FMO1: variants seen among roughly 807,000 people sequenced by gnomAD.
FMO1 encodes the protein flavin containing dimethylaniline monoxygenase 1.
Under a neutral mutation model 45.4 loss-of-function variants are expected in FMO1, and 36 were observed. The ratio of observed to expected loss-of-function variants is 0.79; its 90% CI spans 0.61 to 1.05. The LOEUF is 1.05. Among genes scored for constraint, FMO1 ranks in the 50% least tolerant of loss-of-function variants. The pLI, the probability that FMO1 is intolerant of heterozygous loss-of-function variation, is 0.00. For synonymous variants in FMO1, 228 were observed against 227.2 expected, an observed-to-expected ratio of 1.00 and a Z score of -0.03; for missense variants, 615 against 640.3, an observed-to-expected ratio of 0.96 and a Z score of 0.43.
At chr1:171,284,216 C>T (rs180779802) in intron 8 of FMO1, among the ~76,000 whole-genome samples, 2 of 150,844 alleles carry the variant, frequency 1.3e-5, no homozygotes, top group East Asian at 3.9e-4. Flanking sequence ...AAAATCATTG[C>T]ATCTAAGGAA....
rs35331306 is a variant in FMO1 at position 171,283,265 on chromosome 1, T to TA, written c.1256+81dup. On this transcript the variant is annotated intron_variant, in intron 8 of 8. Coordinates refer to ENST00000617670, the MANE Select transcript of FMO1 (RefSeq NM_001282693.2). ...CTTTTTAAATTATAACTGAAATTGG[T>TA]AAAAAAAAAAAAAAAAAAAAAAAAA... 1.5e-3 allele frequency: 113 copies of TA among 74,726 alleles called. 2 individuals are homozygous for TA. Among genetic ancestry groups the TA allele is most frequent in the African/African-American group, 9.7e-3 (83 of 8,550 alleles). 4.6% of individuals were successfully genotyped at this position (74,726 alleles called of 1,614,324 possible).
intron 3 of FMO1, among the ~76,000 whole-genome samples, chr1:171,269,621 T>A (rs1384820210): frequency 6.6e-6 from 1 of 152,222 alleles, no homozygotes; most frequent in Non-Finnish European, 1.5e-5. Flanking sequence ...ATAACACTAT[T>A]TTAAAATACT....
At chr1:171,252,840 C>T (rs979974170) in intron 1 of FMO1, among the ~76,000 whole-genome samples, 5 of 152,286 alleles carry the variant, frequency 3.3e-5, no homozygotes, top group South Asian at 2.1e-4. Context: ...CTGCCTACCA[C>T]GGTCTGGGGC....
At chr1:171,273,874 G>C (rs903153698) in intron 3 of FMO1, among the ~76,000 whole-genome samples, 1 of 152,124 alleles carries the variant, frequency 6.6e-6, no homozygotes, top group Non-Finnish European at 1.5e-5. Flanking sequence ...GTTTTAAAAA[G>C]TAAACACAAG....
intron 2 of FMO1, among the ~76,000 whole-genome samples, chr1:171,264,007 AG>A (rs1301491948): frequency 2.6e-5 from 4 of 152,286 alleles, no homozygotes; most frequent in African/African-American, 9.6e-5. Flanking sequence ...GAGAGACAAG[AG>A]TAAGTATTGG....
intron 2 of FMO1, among the ~76,000 whole-genome samples, chr1:171,258,648 C>T (rs1028019909): frequency 3.3e-5 from 5 of 152,180 alleles, no homozygotes; most frequent in African/African-American, 7.2e-5. Flanking sequence ...AGCCTGGCTC[C>T]GTCTGCATTA....
chr1:171,279,601 T>C (rs1661271014), intron 5 of FMO1, among the ~76,000 whole-genome samples: 1 of 152,162 alleles, frequency 6.6e-6, no homozygotes, highest in East Asian at 1.9e-4. Context: ...TTGCCCTGCA[T>C]TTTATTTTTG....
intron 6 of FMO1, 42 bp downstream of exon 6, chr1:171,281,027 G>C (rs900022906): frequency 1.3e-6 from 2 of 1,539,592 alleles, no homozygotes; most frequent in African/African-American, 2.7e-5. Context: ...GGAAGAAGGA[G>C]CCTCTGCCTG....
chr1:171,268,342 C>T (rs372102535), intron 3 of FMO1, among the ~76,000 whole-genome samples: 26 of 152,332 alleles, frequency 1.7e-4, no homozygotes, highest in Admixed American at 6.5e-4. Flanking sequence ...GCCTTGGCCT[C>T]CCAAAGTGCT....
At chr1:171,281,897 TGA>T in intron 6 of FMO1, 79 bp from the exon 7 acceptor site, 1 of 752,504 alleles carries the variant, frequency 1.3e-6, no homozygotes, top group Non-Finnish European at 2.1e-6. Context: ...AGCCCCAGAA[TGA>T]GAGAGGGAGG....
chr1:171,267,516 G>C, intron 2 of FMO1, 27 bp from the exon 3 acceptor site: 2 of 1,543,242 alleles, frequency 1.3e-6, no homozygotes, highest in Non-Finnish European at 1.7e-6. Context: ...TGCAATGAAT[G>C]TTCATGTGTG....
At chr1:171,276,099 T>A (rs1661096571) in intron 4 of FMO1, among the ~76,000 whole-genome samples, 1 of 151,846 alleles carries the variant, frequency 6.6e-6, no homozygotes, top group Non-Finnish European at 1.5e-5. Context: ...TTAACTGGAT[T>A]TTAACTCAAT....
chr1:171,260,733 C>T (rs954367934), intron 2 of FMO1, among the ~76,000 whole-genome samples: 2 of 151,712 alleles, frequency 1.3e-5, no homozygotes, highest in African/African-American at 4.8e-5. Context: ...GAGTTCGAGA[C>T]CAGCCTGGTC....
At chr1:171,255,157 A>G (rs564916278) in intron 1 of FMO1, among the ~76,000 whole-genome samples, 1 of 152,354 alleles carries the variant, frequency 6.6e-6, no homozygotes, top group East Asian at 1.9e-4. Context: ...TAATCTGCTT[A>G]TAATACCTCC....
intron 3 of FMO1, among the ~76,000 whole-genome samples, chr1:171,273,925 G>C (rs1660984647): frequency 3.3e-5 from 5 of 152,208 alleles, no homozygotes; most frequent in East Asian, 1.9e-4. Flanking sequence ...CAGCACTTTG[G>C]GGGGCCAAGG....
chr1:171,285,410 A>G lies in FMO1; in HGVS notation c.1465A>G (p.Met489Val). ...ATGGGAAGGAGCCAGAAATGCCATC[A>G]TGACCCAGTGGGACCGAACATTCAA... ...GKWEGARNAI[M>V]TQWDRTFKVI... is the part of the protein sequence containing the mutation. The change falls in exon 9 of 9, where the codon ATG (methionine) becomes GTG (valine). Residue 489 changes from methionine (M) to valine (V), a missense_variant. Physicochemically the swap from Met to Val is conservative, Grantham distance 21. Transcript: ENST00000617670. 1.2e-5 allele frequency: 19 copies of G among 1,613,256 alleles called. No individual in the cohort carries two copies. Among genetic ancestry groups the G allele is most frequent in the Non-Finnish European group, 1.4e-5 (17 of 1,179,652 alleles).
chr1:171,272,904 G>C (rs1007235560), intron 3 of FMO1, among the ~76,000 whole-genome samples: 1 of 152,178 alleles, frequency 6.6e-6, no homozygotes, highest in Non-Finnish European at 1.5e-5. Flanking sequence ...GACCTTGGGG[G>C]GGAACTGTTG....
chr1:171,269,384 G>C (rs1397210628), intron 3 of FMO1, among the ~76,000 whole-genome samples: 1 of 152,062 alleles, frequency 6.6e-6, no homozygotes, highest in East Asian at 1.9e-4. Context: ...AGGCTGAGAT[G>C]GTCTCAGATG....
chr1:171,272,255 G>C (rs1660902819), intron 3 of FMO1, among the ~76,000 whole-genome samples: 1 of 152,212 alleles, frequency 6.6e-6, no homozygotes, highest in Non-Finnish European at 1.5e-5. Flanking sequence ...ATTGAGGTTT[G>C]GGAACCTTCA....
Sources: allele counts gnomAD v4.1 joint callset (sites outside exome capture counted in the v4.1 genomes callset), GRCh38; gene constraint gnomAD v4.1.1; transcripts MANE v1.5; gene names NCBI Gene and HGNC (gene_info 2026-07-23, HGNC 2026-07-21).